Variants in KLRG1 observed in about 807,000 individuals in gnomAD.
KLRG1 encodes killer cell lectin like receptor G1.
A neutral mutation model predicts 21.8 loss-of-function variants in KLRG1; 16 were observed. The ratio of observed to expected loss-of-function variants is 0.73; its 90% CI spans 0.50 to 1.11. KLRG1 has a LOEUF of 1.11. Ranked by LOEUF, KLRG1 falls within the 50% of genes most tolerant of loss-of-function variation. KLRG1 has a pLI of 0.00. For missense variants in KLRG1, 173 were observed against 218.3 expected (o/e 0.79, Z 1.31); for synonymous variants, 69 against 75.9 (o/e 0.91, Z 0.47).
chr12:9,078,816 A>G, the KLRG1 span, among the ~76,000 whole-genome samples: 1 of 152,300 alleles, frequency 6.6e-6, no homozygotes, highest in African/African-American at 2.4e-5. Context: ...AAAATGTTTT[A>G]TATTACTGTT....
the KLRG1 span, among the ~76,000 whole-genome samples, chr12:9,031,549 C>G: frequency 1.3e-5 from 2 of 151,980 alleles, no homozygotes; most frequent in Non-Finnish European, 2.9e-5. Context: ...TATTTGGGCA[C>G]CAAAATATTG....
chr12:9,146,706 C>T, the KLRG1 span, among the ~76,000 whole-genome samples: 1 of 152,144 alleles, frequency 6.6e-6, no homozygotes, highest in Non-Finnish European at 1.5e-5. Flanking sequence ...AATCCTTTCT[C>T]TTCTCAGGGA....
chr12:9,109,336 A>G, the KLRG1 span: 2 of 1,612,594 alleles, frequency 1.2e-6, no homozygotes, highest in Non-Finnish European at 1.7e-6. Context: ...ACACACTGAT[A>G]CATTCATCTC....
At chr12:9,106,025 A>G in the KLRG1 span, among the ~76,000 whole-genome samples, 1 of 152,232 alleles carries the variant, frequency 6.6e-6, no homozygotes, top group African/African-American at 2.4e-5. Flanking sequence ...GGATAATTAC[A>G]TACATTTCAT....
At chr12:9,157,771 A>T in the KLRG1 span, 1 of 1,613,640 alleles carries the variant, frequency 6.2e-7, no homozygotes. Context: ...ACCTACAGTG[A>T]CTGGGAGAGG....
chr12:9,018,854 A>G, the KLRG1 span, among the ~76,000 whole-genome samples: 1 of 152,310 alleles, frequency 6.6e-6, no homozygotes, highest in Non-Finnish European at 1.5e-5. Flanking sequence ...GAAACTCTCT[A>G]GGACATTGGT....
chr12:9,118,599 A>G, the KLRG1 span, among the ~76,000 whole-genome samples: 2 of 152,170 alleles, frequency 1.3e-5, no homozygotes, highest in African/African-American at 2.4e-5. Flanking sequence ...AAGCCATTGT[A>G]TTTTGAGGTC....
chr12:9,070,659 C>T, the KLRG1 span: 1 of 936,708 alleles, frequency 1.1e-6, no homozygotes, highest in South Asian at 1.6e-5. Flanking sequence ...TTAAGCATTC[C>T]ACAGCTCTAA....
chr12:9,108,496 A>G, the KLRG1 span, among the ~76,000 whole-genome samples: 1 of 152,110 alleles, frequency 6.6e-6, no homozygotes, highest in Non-Finnish European at 1.5e-5. Flanking sequence ...TTCCAAGTGC[A>G]TTTGTCTCCT....
At chr12:9,212,672 C>A in the KLRG1 span, among the ~76,000 whole-genome samples, 2 of 151,698 alleles carry the variant, frequency 1.3e-5, no homozygotes, top group African/African-American at 4.8e-5. Flanking sequence ...AAGAGAAAAT[C>A]TGAATGAATG....
chr12:9,035,966 G>C, the KLRG1 span, among the ~76,000 whole-genome samples: 1 of 152,174 alleles, frequency 6.6e-6, no homozygotes. Context: ...GAGGCAGAGT[G>C]GAACAAAAGA....
At chr12:9,021,387 T>C in the KLRG1 span, among the ~76,000 whole-genome samples, 1 of 150,158 alleles carries the variant, frequency 6.7e-6, no homozygotes, top group Non-Finnish European at 1.5e-5. Context: ...TTTACATTTT[T>C]AAAAACTTTT....
chr12:9,158,752 C>CTTTTTTTTT, the KLRG1 span, among the ~76,000 whole-genome samples: 1 of 97,818 alleles, frequency 1.0e-5, no homozygotes, highest in Non-Finnish European at 2.0e-5. Flanking sequence ...TTTTTCTTTT[C>CTTTTTTTTT]TTTTCTTTTT....
chr12:9,196,827 T>C, the KLRG1 span: 2 of 796,596 alleles, frequency 2.5e-6, no homozygotes, highest in African/African-American at 1.7e-5. Context: ...AATACTCATA[T>C]CTGCTTTGTA....
At chr12:9,076,926 A>C in the KLRG1 span, 1 of 1,593,212 alleles carries the variant, frequency 6.3e-7, no homozygotes, top group Non-Finnish European at 8.6e-7. Flanking sequence ...GGCATTGCGG[A>C]CAACAGGGTG....
chr12:9,029,095 CAGAA>C, the KLRG1 span: 1 of 426,644 alleles, frequency 2.3e-6, no homozygotes, highest in Non-Finnish European at 4.4e-6. Context: ...GACATGACGG[CAGAA>C]AGAAGAGAGA....
chr12:9,057,014 C>T, the KLRG1 span, among the ~76,000 whole-genome samples: 6 of 152,234 alleles, frequency 3.9e-5, no homozygotes, highest in South Asian at 2.1e-4. Context: ...AGCACTTCTA[C>T]GTAAAACTCT....
the KLRG1 span, chr12:9,106,419 T>G: frequency 3.5e-6 from 5 of 1,428,312 alleles, no homozygotes; most frequent in Non-Finnish European, 4.9e-6. Flanking sequence ...TCCCCCCAAC[T>G]TACAATTCAT....
the KLRG1 span, among the ~76,000 whole-genome samples, chr12:9,060,837 G>A: frequency 5.3e-5 from 8 of 152,012 alleles, no homozygotes; most frequent in Admixed American, 2.0e-4. Flanking sequence ...GATCTTTTTC[G>A]TCACGTGAAG....
Sources: allele counts gnomAD v4.1 joint callset (sites outside exome capture counted in the v4.1 genomes callset), GRCh38; gene constraint gnomAD v4.1.1; transcripts MANE v1.5; gene names NCBI Gene and HGNC (gene_info 2026-07-23, HGNC 2026-07-21).